Variants in VWA8 observed in about 807,000 individuals in gnomAD.
VWA8 encodes von Willebrand factor A domain containing 8.
Under a neutral mutation model 241.5 loss-of-function variants are expected in VWA8, and 221 were observed. The ratio of observed to expected loss-of-function variants is 0.91; its 90% CI spans 0.82 to 1.02. The LOEUF is 1.02. Among genes scored for constraint, VWA8 ranks in the 50% least tolerant of loss-of-function variants. The probability of loss-of-function intolerance (pLI) is 0.00; values close to 1 mark genes in which losing one functional copy is unlikely to be tolerated. For synonymous variants in VWA8, 852 were observed against 827.1 expected (o/e 1.03, Z -0.52); for missense variants, 2,322 against 2,328.7 (o/e 1.00, Z 0.06).
chr13:41,949,534 T>C (rs1016946881), intron 2 of VWA8, among the ~76,000 whole-genome samples: 1 of 151,950 alleles, frequency 6.6e-6, no homozygotes, highest in Admixed American at 6.6e-5. Context: ...AGATGACCGG[T>C]TGATGGGTGC....
chr13:41,717,410 T>C (rs2045354722), intron 26 of VWA8, among the ~76,000 whole-genome samples: 1 of 152,042 alleles, frequency 6.6e-6, no homozygotes, highest in Non-Finnish European at 1.5e-5. Flanking sequence ...CTTCTCTAAA[T>C]TCAAATGACC....
At chr13:41,959,493 C>CAAAAAAAAAAAAAA (rs59960898) in intron 1 of VWA8, among the ~76,000 whole-genome samples, 3 of 76,438 alleles carry the variant, frequency 3.9e-5, no homozygotes, top group Non-Finnish European at 7.5e-5. Context: ...TGAGAAAAAG[C>CAAAAAAAAAAAAAA]AAAAAAAAAA....
chr13:41,897,792 T>C (rs1471732483), intron 4 of VWA8, among the ~76,000 whole-genome samples: 1 of 152,098 alleles, frequency 6.6e-6, no homozygotes, highest in Non-Finnish European at 1.5e-5. Context: ...GTAGCAAGAT[T>C]TATTGCAAAG....
intron 17 of VWA8, among the ~76,000 whole-genome samples, chr13:41,792,916 C>A (rs1411728984): frequency 6.6e-6 from 1 of 151,936 alleles, no homozygotes; most frequent in Non-Finnish European, 1.5e-5. Context: ...GTATAAATAA[C>A]CTCACTAAAC....
At chr13:41,610,163 G>A (rs1012843537) in intron 39 of VWA8, among the ~76,000 whole-genome samples, 1 of 152,188 alleles carries the variant, frequency 6.6e-6, no homozygotes, top group African/African-American at 2.4e-5. Flanking sequence ...CATTAATTGC[G>A]GAGGGGAGAA....
intron 37 of VWA8, among the ~76,000 whole-genome samples, chr13:41,656,742 C>T (rs1195540610): frequency 6.6e-6 from 1 of 152,120 alleles, no homozygotes; most frequent in Non-Finnish European, 1.5e-5. Context: ...ATAAATCTGA[C>T]AATTCAAGTA....
intron 4 of VWA8, among the ~76,000 whole-genome samples, chr13:41,903,576 G>A (rs1875561348): frequency 6.6e-6 from 1 of 152,050 alleles, no homozygotes; most frequent in Non-Finnish European, 1.5e-5. Flanking sequence ...TTTATAACCT[G>A]AATTACAAGG....
chr13:41,856,851 A>G (rs899136934), intron 12 of VWA8, among the ~76,000 whole-genome samples: 2 of 151,716 alleles, frequency 1.3e-5, no homozygotes, highest in African/African-American at 2.4e-5. Flanking sequence ...AAAAAAAAAA[A>G]AAAGAAAGAA....
chr13:41,907,653 T>A lies in VWA8; in HGVS notation c.416A>T (p.Asp139Val), dbSNP rs1875787291. 3 of 1,614,076 alleles carry A rather than the reference T, an allele frequency of 1.9e-6. No individual in the cohort carries two copies. The highest frequency in any genetic ancestry group is 2.5e-6 in the Non-Finnish European group (3 of 1,180,014). The change falls in exon 4 of 45, where the codon GAC (aspartate) becomes GTC (valine). Residue 139 changes from aspartate to valine, a missense_variant. Transcript: ENST00000379310. ...REVEYIALSR[D>V]TTETDLKQRR... ...CTGTTTGAGATCAGTTTCAGTGGTGTCCCTTGACAGGGCAATGTATTCGAC... is the reference window on the plus strand; with the variant it reads ...CTGTTTGAGATCAGTTTCAGTGGTGACCCTTGACAGGGCAATGTATTCGAC...
At chr13:41,786,289 T>C (rs541638284) in intron 18 of VWA8, among the ~76,000 whole-genome samples, 1 of 152,306 alleles carries the variant, frequency 6.6e-6, no homozygotes, top group Non-Finnish European at 1.5e-5. Flanking sequence ...GACTATGATA[T>C]ACTGGTTGCC....
At chr13:41,865,536 C>T in intron 12 of VWA8, 200 bp downstream of exon 12, 1 of 544,434 alleles carries the variant, frequency 1.8e-6, no homozygotes, top group Non-Finnish European at 3.2e-6. Context: ...GTATGTTGTG[C>T]ACATCAGATA....
chr13:41,937,472 GTCC>G (rs1476233776), intron 2 of VWA8, among the ~76,000 whole-genome samples: 2 of 152,170 alleles, frequency 1.3e-5, no homozygotes, highest in African/African-American at 4.8e-5. Context: ...AGTAGGGTTT[GTCC>G]TCCTATAAGA....
At chr13:41,866,530 A>AT (rs1286111087) in intron 10 of VWA8, among the ~76,000 whole-genome samples, 1 of 152,010 alleles carries the variant, frequency 6.6e-6, no homozygotes, top group African/African-American at 2.4e-5. Flanking sequence ...ACTGTTTTTG[A>AT]TATTTCAATA....
chr13:41,955,220 T>A (rs1566051351), intron 1 of VWA8, among the ~76,000 whole-genome samples: 1 of 152,328 alleles, frequency 6.6e-6, no homozygotes, highest in South Asian at 2.1e-4. Flanking sequence ...AGAATACTTA[T>A]AAGACAACAG....
At position 41,736,636 on chromosome 13, in the gene VWA8, T is replaced by C. The variant is rs2045526805; in HGVS notation, c.2427-4481A>G. The stretch of plus-strand genomic sequence containing the variant: ...TTAGATTTTTTAAGAAAAACAATAA[T>C]AGTTAAACATAAGAGTAAAGGAAGA... On this transcript the variant is annotated intron_variant, in intron 21 of 44. Transcript: ENST00000379310. 2.0e-5 allele frequency among the ~76,000 whole-genome samples: 3 copies of C among 152,108 alleles called. 1 individual carries two copies. Among genetic ancestry groups the C allele is most frequent in the South Asian group, 4.2e-4 (2 of 4,816 alleles).
chr13:41,874,983 A>G (rs1341184653), intron 9 of VWA8, among the ~76,000 whole-genome samples: 2 of 152,160 alleles, frequency 1.3e-5, no homozygotes, highest in Non-Finnish European at 2.9e-5. Context: ...ACTAGAATGT[A>G]AGCCCCATTA....
chr13:41,677,699 C>A (rs777574833), intron 35 of VWA8, among the ~76,000 whole-genome samples: 2 of 152,060 alleles, frequency 1.3e-5, no homozygotes, highest in Non-Finnish European at 2.9e-5. Flanking sequence ...ACACAAAACC[C>A]AAGCTTTTTA....
In VWA8 at chr13:41,589,172, G is replaced by A. The variant is rs34958197; in HGVS notation, c.5112+1468C>T. On this transcript the variant is annotated intron_variant, in intron 41 of 44. Transcript: ENST00000379310. The stretch of plus-strand genomic sequence containing the variant: ...ACCCAGGAATACAGGAGATCACAGA[G>A]CTCACCAAGAGACTCAATATTTCAT... 7.3e-3 allele frequency among the ~76,000 whole-genome samples: 1,106 copies of A among 152,248 alleles called. 7 individuals are homozygous for A. The highest frequency in any genetic ancestry group is 0.032 in the South Asian group (156 of 4,816).
chr13:41,825,686 T>A (rs1003962561), intron 14 of VWA8, among the ~76,000 whole-genome samples: 2 of 152,152 alleles, frequency 1.3e-5, no homozygotes, highest in African/African-American at 4.8e-5. Flanking sequence ...AAAAGCTTAA[T>A]ATAAGTAAAT....
Sources: allele counts gnomAD v4.1 joint callset (sites outside exome capture counted in the v4.1 genomes callset), GRCh38; gene constraint gnomAD v4.1.1; transcripts MANE v1.5; gene names NCBI Gene and HGNC (gene_info 2026-07-23, HGNC 2026-07-21).